Variants in LRP2 observed in about 807,000 individuals in gnomAD.
The protein encoded by LRP2 is LDL receptor related protein 2, also known as low-density lipoprotein receptor-related protein 2.
Under a neutral mutation model 531.0 loss-of-function variants are expected in LRP2, and 172 were observed. That is an observed-to-expected ratio of 0.32 (90% CI 0.29 to 0.37). LRP2 has a LOEUF of 0.37. Ranked by LOEUF, LRP2 falls within the 10% of genes least tolerant of loss-of-function variation. The pLI, the probability that LRP2 is intolerant of heterozygous loss-of-function variation, is 1.00. For synonymous variants in LRP2, 1,992 were observed against 2,027.6 expected (o/e 0.98, Z 0.47); for missense variants, 5,167 against 5,868.3 (o/e 0.88, Z 3.90).
intron 61 of LRP2, among the ~76,000 whole-genome samples, chr2:169,166,418 G>A (rs1374597243): frequency 2.0e-5 from 3 of 152,204 alleles, no homozygotes; most frequent in African/African-American, 7.2e-5. Context: ...CTGAGTCAGA[G>A]AGGAGGATGG....
At chr2:169,179,479 G>A (rs1471294513) in intron 52 of LRP2, among the ~76,000 whole-genome samples, 2 of 152,126 alleles carry the variant, frequency 1.3e-5, no homozygotes, top group Admixed American at 6.5e-5. Flanking sequence ...CCAACACTTA[G>A]GGAGGCAGAG....
At chr2:169,342,727 G>A (rs1685598371) in intron 1 of LRP2, among the ~76,000 whole-genome samples, 2 of 151,988 alleles carry the variant, frequency 1.3e-5, no homozygotes, top group South Asian at 4.2e-4. Context: ...CTCTCACCCT[G>A]TAGCACAATT....
intron 1 of LRP2, among the ~76,000 whole-genome samples, chr2:169,342,925 G>A (rs983395266): frequency 6.6e-6 from 1 of 152,116 alleles, no homozygotes; most frequent in African/African-American, 2.4e-5. Flanking sequence ...AAATAATAAG[G>A]AACTTTTGCA....
At chr2:169,155,154 T>C (rs1686285331) in intron 65 of LRP2, among the ~76,000 whole-genome samples, 1 of 152,208 alleles carries the variant, frequency 6.6e-6, no homozygotes, top group African/African-American at 2.4e-5. Flanking sequence ...CTAAAGCAGC[T>C]ACTTAATGGT....
chr2:169,231,927 C>T (rs1559030406), intron 30 of LRP2, 85 bp from the exon 31 acceptor site: 3 of 1,529,262 alleles, frequency 2.0e-6, no homozygotes, highest in Non-Finnish European at 2.7e-6. Context: ...AGTGTCCTTC[C>T]AGAGGCCCCA....
chr2:169,200,792 G>A (rs1688179626), intron 44 of LRP2, among the ~76,000 whole-genome samples: 1 of 152,108 alleles, frequency 6.6e-6, no homozygotes, highest in South Asian at 2.1e-4. Flanking sequence ...GAATTCTAAA[G>A]AGCCCATTCA....
chr2:169,196,132 T>C (rs1182173040), intron 46 of LRP2, among the ~76,000 whole-genome samples: 1 of 152,188 alleles, frequency 6.6e-6, no homozygotes, highest in East Asian at 1.9e-4. Context: ...ATTTTAGGCT[T>C]ACAGGCCCTA....
At chr2:169,246,580 T>G (rs1161970810) in intron 21 of LRP2, 125 bp downstream of exon 21, 1 of 1,180,052 alleles carries the variant, frequency 8.5e-7, no homozygotes. Flanking sequence ...AAAGTGCATG[T>G]TAAGAATCTG....
At chr2:169,178,439 T>C (rs73971197) in intron 52 of LRP2, among the ~76,000 whole-genome samples, 3,054 of 152,236 alleles carry the variant, frequency 0.02, 105 homozygotes, top group African/African-American at 0.07. Context: ...AATCAGAAGA[T>C]AGCAATATTA....
intron 1 of LRP2, 58 bp downstream of exon 1, chr2:169,362,263 G>T: frequency 2.8e-6 from 4 of 1,453,734 alleles, no homozygotes; most frequent in South Asian, 2.5e-5. Context: ...CCGCGGACCC[G>T]ACCCTGCCAC....
intron 4 of LRP2, among the ~76,000 whole-genome samples, chr2:169,301,322 G>C (rs1195327187): frequency 6.6e-6 from 1 of 151,526 alleles, no homozygotes; most frequent in Non-Finnish European, 1.5e-5. Flanking sequence ...GTTTATCTTA[G>C]ACCCTGCATG....
At chr2:169,338,404 G>GAAAGAAAAGA (rs200025742) in intron 1 of LRP2, among the ~76,000 whole-genome samples, 116 of 104,596 alleles carry the variant, frequency 1.1e-3, no homozygotes, top group African/African-American at 3.1e-3. Context: ...AAGAAAGAAA[G>GAAAGAAAAGA]AAAGAAAAGA....
At position 169,279,573 on chromosome 2, in the gene LRP2, C is replaced by T; in HGVS notation, c.1364G>A (p.Gly455Asp). Residue 455 changes from glycine (G) to aspartate (D), a missense_variant, in exon 12 of 79, where the codon GGT becomes GAT. Physicochemically the swap from Gly to Asp is moderately conservative, Grantham distance 94. Transcript: ENST00000649046. The part of the protein sequence containing the change: ...QNKVFSVDIN[G>D]LNIQEVLNVS... ...ATTGAGAACCTCTTGGATATTTAAA[C>T]CATTAATGTCAACTGAAAAAACCTG... 1.9e-6 allele frequency: 3 copies of T among 1,612,652 alleles called. No individual in the cohort carries two copies. In the South Asian group the frequency reaches 3.3e-5, roughly 18 times the overall value.
At position 169,160,682 on chromosome 2, in the gene LRP2, T is replaced by TAAAAAAAA. The variant is rs781574242; in HGVS notation, c.11887+1782_11887+1789dup. On this transcript the variant is annotated intron_variant, in intron 63 of 78. Coordinates refer to ENST00000649046, the MANE Select transcript of LRP2 (RefSeq NM_004525.3). ...GAATTGTTTGTGCTACTTATTTCCT[T>TAAAAAAAA]AAAAAAAAAAAAACCTGCTACTAAT... 8.1e-4 allele frequency among the ~76,000 whole-genome samples: 43 copies of TAAAAAAAA among 52,816 alleles called. 3 individuals carry two copies. The highest frequency in any genetic ancestry group is 4.1e-3 in the East Asian group (10 of 2,424). The allele number at this position is 52,816 out of a possible 152,430, so 34.6% of individuals were successfully genotyped here. A position where few individuals can be genotyped will look rare whatever the true frequency, so the allele number is the denominator to read the frequency against.
chr2:169,142,090 C>T (rs962908620), intron 71 of LRP2, among the ~76,000 whole-genome samples: 6 of 152,176 alleles, frequency 3.9e-5, no homozygotes, highest in Admixed American at 3.3e-4. Context: ...TTTCCAGCAC[C>T]GGATGCTAGT....
intron 1 of LRP2, among the ~76,000 whole-genome samples, chr2:169,360,599 C>G (rs1356648962): frequency 6.6e-6 from 1 of 152,140 alleles, no homozygotes; most frequent in African/African-American, 2.4e-5. Flanking sequence ...CAGGCACTGA[C>G]AGGAACATAT....
At chr2:169,160,333 C>T (rs1042063047) in intron 63 of LRP2, among the ~76,000 whole-genome samples, 2 of 151,978 alleles carry the variant, frequency 1.3e-5, no homozygotes, top group Non-Finnish European at 2.9e-5. Flanking sequence ...TGTTAATTTG[C>T]TTGATTATAA....
intron 1 of LRP2, among the ~76,000 whole-genome samples, chr2:169,355,387 A>G (rs1685961247): frequency 6.6e-6 from 1 of 152,196 alleles, no homozygotes; most frequent in African/African-American, 2.4e-5. Context: ...GGTATACTGA[A>G]CACCTGTTAT....
chr2:169,206,770 C>A lies in LRP2; in HGVS notation c.6950G>T (p.Arg2317Ile). 1 of 1,614,168 alleles carries A rather than the reference C, an allele frequency of 6.2e-7. No homozygotes were observed. Among genetic ancestry groups the A allele is most frequent in the South Asian group, 1.1e-5 (1 of 91,082 alleles). ...ATCTCTTAGCCAGTTGATATTGTCT[C>A]TTATCACTGTGGGTGGCTCTGTGTT... ...PENTEPPTVI[R>I]DNINWLRDVT... Residue 2317 changes from arginine to isoleucine, a missense_variant, in exon 39 of 79, where the codon AGA becomes ATA. Transcript: ENST00000649046.
Sources: allele counts gnomAD v4.1 joint callset (sites outside exome capture counted in the v4.1 genomes callset), GRCh38; gene constraint gnomAD v4.1.1; transcripts MANE v1.5; gene names NCBI Gene and HGNC (gene_info 2026-07-23, HGNC 2026-07-21).